Variants in PREPL observed in about 807,000 individuals in gnomAD.
PREPL encodes the protein prolyl endopeptidase-like.
A neutral mutation model predicts 70.6 loss-of-function variants in PREPL; 77 were observed. The observed-to-expected ratio is 1.09, with a 90% CI of 0.91 to 1.32. PREPL has a LOEUF of 1.32. PREPL is among the 40% of genes most tolerant of loss of function. The pLI, the probability that PREPL is intolerant of heterozygous loss-of-function variation, is 0.00. For synonymous variants in PREPL, 315 were observed against 264.8 expected (o/e 1.19, Z -1.84); for missense variants, 1,002 against 778.2 (o/e 1.29, Z -3.42).
At chr2:44,345,436 C>T (rs966833493) in intron 2 of PREPL, among the ~76,000 whole-genome samples, 7 of 152,082 alleles carry the variant, frequency 4.6e-5, no homozygotes, top group African/African-American at 7.2e-5. Flanking sequence ...AGGGCAACCT[C>T]TGCATCCTGA....
Position 44,343,817 on chromosome 2 carries a change from A to T in PREPL, c.277T>A (p.Ser93Thr), listed in dbSNP as rs373911326. The T allele has an allele frequency of 5.6e-6, 9 of 1,613,828 alleles. No individual in the cohort carries two copies. The highest frequency in any genetic ancestry group is 7.6e-6 in the Non-Finnish European group (9 of 1,179,846). ...CTGAGCTTTATAATTACACAGGTAG[A>T]TGCTTCAGAATCTTCAGTTCTTATC... Reference protein sequence around the residue: ...AKIRTEDSEASTCVIIKLSDQ... With the variant: ...AKIRTEDSEATTCVIIKLSDQ... Residue 93 changes from serine to threonine, a missense_variant, in exon 4 of 14, where the codon TCT becomes ACT. Transcript: ENST00000409411.
At chr2:44,329,385 G>C (rs969460530) in intron 8 of PREPL, among the ~76,000 whole-genome samples, 2 of 152,166 alleles carry the variant, frequency 1.3e-5, no homozygotes, top group African/African-American at 4.8e-5. Context: ...TGACAATAAT[G>C]TAATTTTAAA....
chr2:44,340,999 C>T (rs2103950475), intron 5 of PREPL, among the ~76,000 whole-genome samples: 1 of 150,858 alleles, frequency 6.6e-6, no homozygotes, highest in South Asian at 2.1e-4. Flanking sequence ...ATTTTGTTAC[C>T]TAGATTTTAA....
chr2:44,342,458 A>G lies in PREPL; in HGVS notation c.444T>C (p.Asp148=), dbSNP rs149836496. ...CHDVYRATFG[D]NKRNERFYTE... ...TGTAAAAGCGTTCATTACGTTTGTT[A>G]TCACCAAAAGTGGCTCGATATACGT... The change falls in exon 5 of 14, where the codon GAT becomes GAC. Residue 148 remains aspartate (D), a synonymous_variant. Transcript: ENST00000409411. 90 of 1,613,274 alleles carry G rather than the reference A, an allele frequency of 5.6e-5. No homozygotes were observed. The African/African-American group carries it at 1.1e-3, about 19-fold the overall frequency.
chr2:44,342,468 G>C lies in PREPL; in HGVS notation c.434C>G (p.Thr145Ser). ...TTCATTACGTTTGTTATCACCAAAA[G>C]TGGCTCGATATACGTCATGACAGCG... The part of the protein sequence containing the change: ...NLRCHDVYRA[T>S]FGDNKRNERF... The change falls in exon 5 of 14, where the codon ACT (threonine) becomes AGT (serine). Residue 145 changes from threonine to serine, a missense_variant. Coordinates refer to ENST00000409411, the MANE Select transcript of PREPL (RefSeq NM_001171613.2). 1 of 1,613,326 alleles carries C rather than the reference G, an allele frequency of 6.2e-7. No individual in the cohort carries two copies. The highest frequency in any genetic ancestry group is 8.5e-7 in the Non-Finnish European group (1 of 1,179,522).
intron 8 of PREPL, among the ~76,000 whole-genome samples, chr2:44,330,979 G>A (rs1288797611): frequency 6.6e-6 from 1 of 152,042 alleles, no homozygotes; most frequent in African/African-American, 2.4e-5. Context: ...ATCTTACTCT[G>A]TCACACAGGC....
At chr2:44,332,225 C>T (rs888389095) in intron 8 of PREPL, among the ~76,000 whole-genome samples, 25 of 152,082 alleles carry the variant, frequency 1.6e-4, no homozygotes, top group African/African-American at 6.0e-4. Context: ...GGATTACAGG[C>T]GTGAGCCACC....
chr2:44,343,091 T>C (rs1413335406), intron 4 of PREPL, among the ~76,000 whole-genome samples: 1 of 152,238 alleles, frequency 6.6e-6, no homozygotes, highest in Non-Finnish European at 1.5e-5. Context: ...CATCATTGTA[T>C]AATATGCACC....
At chr2:44,332,712 A>C in intron 7 of PREPL, 56 bp from the exon 8 acceptor site, 1 of 1,385,554 alleles carries the variant, frequency 7.2e-7, no homozygotes, top group East Asian at 2.4e-5. Context: ...AGTATCATTA[A>C]TTAAATTTCT....
intron 8 of PREPL, among the ~76,000 whole-genome samples, chr2:44,331,952 T>C (rs1016160331): frequency 6.0e-5 from 9 of 150,106 alleles, no homozygotes; most frequent in Middle Eastern, 3.4e-3. Context: ...TTTTCTTTTT[T>C]TTTTTTTTTT....
At chr2:44,356,407 A>T (rs758835603) in intron 1 of PREPL, 1 of 152,192 alleles carries the variant, frequency 6.6e-6, no homozygotes, top group Non-Finnish European at 1.5e-5. Context: ...TTAGCTGGGC[A>T]TGGTGGTGGA....
At position 44,323,332 on chromosome 2, in the gene PREPL, T is replaced by G; in HGVS notation, c.1559A>C (p.Asn520Thr). The G allele has an allele frequency of 6.2e-7, 1 of 1,603,632 alleles. No individual in the cohort carries two copies. The highest frequency in any genetic ancestry group is 2.2e-5 in the East Asian group (1 of 44,726). ...LTLEELEEWG[N>T]PSSDEKHKNY... Reference sequence around the variant, plus strand: ...CTTGTGTTTTTCATCAGATGAAGGATTCCCCCATTCTTCTAATTCTTCTAA... The same window carrying G: ...CTTGTGTTTTTCATCAGATGAAGGAGTCCCCCATTCTTCTAATTCTTCTAA... The change falls in exon 11 of 14, where the codon AAT (asparagine) becomes ACT (threonine). Residue 520 changes from asparagine (N) to threonine (T), a missense_variant. By Grantham distance (65) the Asn-to-Thr change is moderately conservative (BLOSUM62 0). Coordinates refer to ENST00000409411, the MANE Select transcript of PREPL (RefSeq NM_001171613.2).
intron 2 of PREPL, among the ~76,000 whole-genome samples, chr2:44,345,800 A>C (rs1327758181): frequency 6.6e-6 from 1 of 152,196 alleles, no homozygotes; most frequent in East Asian, 1.9e-4. Flanking sequence ...AATAATAACA[A>C]AGTATGAACT....
chr2:44,335,661 G>T lies in PREPL; in HGVS notation c.888+2690C>A, dbSNP rs1390991159. On this transcript the variant is annotated intron_variant, in intron 7 of 13. Transcript: ENST00000409411. ...AAGGCAAAGATTTTATGACAAAGAT[G>T]CCAAAAGCAATTGCAACAAAAACAA... is the stretch of plus-strand genomic sequence containing the variant. 2.0e-5 allele frequency among the ~76,000 whole-genome samples: 3 copies of T among 152,098 alleles called. No individual in the cohort carries two copies. In the South Asian group the frequency reaches 6.2e-4, roughly 32 times the overall value.
intron 9 of PREPL, among the ~76,000 whole-genome samples, chr2:44,328,060 C>A (rs912884342): frequency 1.3e-5 from 2 of 150,864 alleles, no homozygotes; most frequent in East Asian, 3.9e-4. Context: ...CTGAGGCGGG[C>A]GGATCACTTG....
intron 12 of PREPL, 84 bp from the exon 13 acceptor site, chr2:44,321,984 T>C: frequency 7.3e-7 from 1 of 1,363,836 alleles, no homozygotes; most frequent in East Asian, 2.3e-5. Flanking sequence ...CCCTCTTCTT[T>C]GAGTACTCAG....
chr2:44,323,473 A>C, intron 10 of PREPL, 62 bp from the exon 11 acceptor site: 3 of 1,362,412 alleles, frequency 2.2e-6, no homozygotes, highest in Non-Finnish European at 3.0e-6. Context: ...GTTTCAGAAA[A>C]ACATTCTATT....
intron 8 of PREPL, among the ~76,000 whole-genome samples, 192 bp from the exon 9 acceptor site, chr2:44,329,304 T>G (rs186787802): frequency 2.0e-5 from 3 of 152,230 alleles, no homozygotes; most frequent in African/African-American, 7.2e-5. Flanking sequence ...GCTACCTTGC[T>G]GTCCTACAGT....
intron 9 of PREPL, 74 bp from the exon 10 acceptor site, chr2:44,327,002 C>A (rs1315754253): frequency 1.2e-5 from 15 of 1,247,168 alleles, no homozygotes; most frequent in Non-Finnish European, 1.7e-5. Context: ...GCGAACTACA[C>A]CTGGAGGCCT....
Sources: gnomAD v4.1 joint callset for allele counts (sites outside exome capture counted in the v4.1 genomes callset) on GRCh38, gnomAD v4.1.1 for gene constraint, MANE v1.5 for transcripts, NCBI Gene and HGNC (gene_info 2026-07-23, HGNC 2026-07-21) for gene names.